Variants in EBF1 observed in about 807,000 individuals in gnomAD.
The protein encoded by EBF1 is EBF transcription factor 1.
In EBF1, 10 loss-of-function variants were observed where a neutral mutation model predicts 68.4. The ratio of observed to expected loss-of-function variants is 0.15; its 90% CI spans 0.09 to 0.25. EBF1 has a LOEUF of 0.25. Ranked by LOEUF, EBF1 falls within the 10% of genes least tolerant of loss-of-function variation. The pLI, the probability that EBF1 is intolerant of heterozygous loss-of-function variation, is 1.00. For synonymous variants in EBF1, 298 were observed against 299.8 expected (o/e 0.99, Z 0.06); for missense variants, 509 against 794.4 (o/e 0.64, Z 4.32).
intron 9 of EBF1, among the ~76,000 whole-genome samples, chr5:158,792,584 TC>T (rs1404571100): frequency 2.0e-5 from 3 of 152,192 alleles, no homozygotes; most frequent in Admixed American, 1.3e-4. Context: ...CCAGCCTGCT[TC>T]CTGGGTGTGT....
intron 14 of EBF1, among the ~76,000 whole-genome samples, chr5:158,708,752 C>T (rs1193421664): frequency 6.6e-6 from 1 of 152,156 alleles, no homozygotes; most frequent in Non-Finnish European, 1.5e-5. Context: ...GTAGGGGGAA[C>T]AGGAAGAAGC....
At chr5:158,916,448 G>A (rs902897129) in intron 6 of EBF1, among the ~76,000 whole-genome samples, 1 of 152,152 alleles carries the variant, frequency 6.6e-6, no homozygotes, top group African/African-American at 2.4e-5. Flanking sequence ...TGTAAAAATA[G>A]CATGTACAAT....
At chr5:158,997,991 T>G (rs1192742097) in intron 6 of EBF1, among the ~76,000 whole-genome samples, 2 of 151,992 alleles carry the variant, frequency 1.3e-5, no homozygotes, top group Non-Finnish European at 2.9e-5. Flanking sequence ...TTCCTTCCCC[T>G]CCCCTGCTAC....
At chr5:158,992,522 T>G (rs1760540805) in intron 6 of EBF1, among the ~76,000 whole-genome samples, 1 of 152,228 alleles carries the variant, frequency 6.6e-6, no homozygotes, top group South Asian at 2.1e-4. Context: ...TGCCCAGAAC[T>G]GTGTAATTAT....
chr5:159,029,909 A>T (rs992521066), intron 6 of EBF1, among the ~76,000 whole-genome samples: 2 of 151,874 alleles, frequency 1.3e-5, no homozygotes, highest in South Asian at 4.2e-4. Context: ...GTGAGCCAAG[A>T]TCACACCATT....
chr5:158,720,308 GA>G (rs1761663667), intron 11 of EBF1, among the ~76,000 whole-genome samples: 2 of 152,142 alleles, frequency 1.3e-5, no homozygotes, highest in Admixed American at 1.3e-4. Flanking sequence ...CGAATGCTGA[GA>G]AATTGATTGG....
intron 6 of EBF1, among the ~76,000 whole-genome samples, chr5:159,018,006 C>T (rs1561804621): frequency 6.6e-6 from 1 of 152,172 alleles, no homozygotes; most frequent in South Asian, 2.1e-4. Flanking sequence ...TCCTGTCTCC[C>T]CCGTCCCTGC....
intron 6 of EBF1, among the ~76,000 whole-genome samples, chr5:158,884,470 A>G (rs1799605510): frequency 6.6e-6 from 1 of 152,202 alleles, no homozygotes; most frequent in Non-Finnish European, 1.5e-5. Flanking sequence ...TTTAGCACTA[A>G]TTACTTGCCA....
At chr5:158,903,114 C>A (rs1460739069) in intron 6 of EBF1, among the ~76,000 whole-genome samples, 1 of 152,168 alleles carries the variant, frequency 6.6e-6, no homozygotes, top group African/African-American at 2.4e-5. Context: ...GGGAAAAATT[C>A]TGCAAGGCTT....
intron 6 of EBF1, among the ~76,000 whole-genome samples, chr5:158,887,167 G>A (rs1433843376): frequency 2.0e-5 from 3 of 152,156 alleles, no homozygotes; most frequent in African/African-American, 7.2e-5. Context: ...GCAAATGAAT[G>A]GCTTCTGTTC....
intron 7 of EBF1, among the ~76,000 whole-genome samples, chr5:158,826,006 C>A (rs1786025319): frequency 6.6e-6 from 1 of 151,568 alleles, no homozygotes; most frequent in Non-Finnish European, 1.5e-5. Context: ...GGGAAAAGGG[C>A]CTTTACAGTT....
At chr5:159,008,907 A>C (rs1764098261) in intron 6 of EBF1, among the ~76,000 whole-genome samples, 1 of 152,186 alleles carries the variant, frequency 6.6e-6, no homozygotes, top group Admixed American at 6.5e-5. Flanking sequence ...AAAAATGTCA[A>C]AATGGCTTTT....
At chr5:158,902,032 A>G (rs1163092587) in intron 6 of EBF1, among the ~76,000 whole-genome samples, 1 of 152,194 alleles carries the variant, frequency 6.6e-6, no homozygotes, top group African/African-American at 2.4e-5. Context: ...CGGAGGTTGC[A>G]GTGAGCCAAG....
chr5:158,699,248 G>A, intron 15 of EBF1, 106 bp from the exon 16 acceptor site: 13 of 1,153,802 alleles, frequency 1.1e-5, no homozygotes, highest in Non-Finnish European at 1.6e-5. Context: ...CAACTATGTT[G>A]TTCGACTATT....
chr5:158,799,970 A>G (rs187695489), intron 8 of EBF1, among the ~76,000 whole-genome samples: 28 of 152,160 alleles, frequency 1.8e-4, no homozygotes, highest in Non-Finnish European at 3.5e-4. Flanking sequence ...TTTTAACCCT[A>G]CTCACAACAC....
At chr5:158,984,378 CT>C (rs1316160866) in intron 6 of EBF1, among the ~76,000 whole-genome samples, 1 of 152,062 alleles carries the variant, frequency 6.6e-6, no homozygotes, top group African/African-American at 2.4e-5. Flanking sequence ...AGATACTGAC[CT>C]TTTTTTAGAC....
At chr5:159,095,542 CG>C in intron 4 of EBF1, 77 bp downstream of exon 4, 1 of 1,532,628 alleles carries the variant, frequency 6.5e-7, no homozygotes, top group Non-Finnish European at 9.0e-7. Context: ...AGCCCACCTG[CG>C]GTGGAGCAAC....
chr5:158,888,474 T>C (rs1800483556), intron 6 of EBF1, among the ~76,000 whole-genome samples: 1 of 152,146 alleles, frequency 6.6e-6, no homozygotes, highest in African/African-American at 2.4e-5. Context: ...ATAAAAGTAA[T>C]AAATCTACAT....
intron 5 of EBF1, among the ~76,000 whole-genome samples, chr5:159,075,065 A>C (rs971470228): frequency 1.3e-5 from 2 of 152,220 alleles, no homozygotes; most frequent in African/African-American, 4.8e-5. Flanking sequence ...ATAGTGGTTA[A>C]GAACACTGGT....
Sources: gnomAD v4.1 joint callset for allele counts (sites outside exome capture counted in the v4.1 genomes callset) on GRCh38, gnomAD v4.1.1 for gene constraint, MANE v1.5 for transcripts, NCBI Gene and HGNC (gene_info 2026-07-23, HGNC 2026-07-21) for gene names.